The following CPM variants were observed in gnomAD, a reference collection of about 807,000 sequenced individuals.
CPM encodes the protein carboxypeptidase M, also known as renal carboxypeptidase.
In CPM, 35 loss-of-function variants were observed where a neutral mutation model predicts 46.4. That is an observed-to-expected ratio of 0.75 (90% CI 0.58 to 1.00). The LOEUF (loss-of-function observed/expected upper bound fraction) is 1.00. Ranked by LOEUF, CPM falls within the 50% of genes least tolerant of loss-of-function variation. CPM has a pLI of 0.00. For missense variants in CPM, 422 were observed against 530.4 expected (o/e 0.80, Z 2.01); for synonymous variants, 195 against 195.3 (o/e 1.00, Z 0.01).
chr12:68,927,650 C>T (rs1249450282), intron 2 of CPM, among the ~76,000 whole-genome samples: 10 of 152,068 alleles, frequency 6.6e-5, no homozygotes, highest in Non-Finnish European at 1.3e-4. Context: ...GTGCCTATGT[C>T]CTGAATGGTA....
At chr12:68,909,191 C>T (rs1300759056) in intron 2 of CPM, among the ~76,000 whole-genome samples, 1 of 152,134 alleles carries the variant, frequency 6.6e-6, no homozygotes, top group Non-Finnish European at 1.5e-5. Flanking sequence ...GACAGGAATG[C>T]ACCATCATGC....
chr12:68,955,903 C>T (rs1427475632), intron 1 of CPM, among the ~76,000 whole-genome samples: 1 of 152,012 alleles, frequency 6.6e-6, no homozygotes, highest in Admixed American at 6.5e-5. Flanking sequence ...GTTCTCATTC[C>T]AGTCTGCAGA....
intron 6 of CPM, among the ~76,000 whole-genome samples, chr12:68,868,351 A>C (rs2136228302): frequency 6.6e-6 from 1 of 152,278 alleles, no homozygotes. Context: ...CCCAGGCATA[A>C]AAATACCAGC....
At chr12:68,891,864 G>A (rs1377655088) in intron 2 of CPM, among the ~76,000 whole-genome samples, 1 of 152,114 alleles carries the variant, frequency 6.6e-6, no homozygotes, top group Non-Finnish European at 1.5e-5. Context: ...AGTCTCCAGA[G>A]TAGCTGGGAC....
intron 5 of CPM, chr12:68,842,394 C>A: frequency 2.0e-6 from 1 of 492,166 alleles, no homozygotes; most frequent in Non-Finnish European, 4.0e-6. Context: ...CTAAAAATCT[C>A]ATTATCTATA....
At chr12:68,946,834 C>A (rs945015813) in intron 1 of CPM, among the ~76,000 whole-genome samples, 1 of 152,120 alleles carries the variant, frequency 6.6e-6, no homozygotes, top group African/African-American at 2.4e-5. Context: ...GAAAGAAATG[C>A]GCTCCAAAAT....
chr12:68,908,544 T>C (rs1482681653), intron 2 of CPM, among the ~76,000 whole-genome samples: 1 of 152,120 alleles, frequency 6.6e-6, no homozygotes, highest in African/African-American at 2.4e-5. Flanking sequence ...AAGTCATACA[T>C]ACTTTTTAAA....
chr12:68,948,349 G>T (rs990192458), intron 1 of CPM, among the ~76,000 whole-genome samples: 2 of 152,170 alleles, frequency 1.3e-5, no homozygotes, highest in African/African-American at 4.8e-5. Flanking sequence ...GCCTGAGGGG[G>T]TAGGCATTAG....
intron 2 of CPM, among the ~76,000 whole-genome samples, chr12:68,924,913 T>A (rs774491448): frequency 4.6e-5 from 7 of 152,226 alleles, no homozygotes; most frequent in Non-Finnish European, 1.0e-4. Flanking sequence ...ACTTTCCTCT[T>A]AGGAGCAAGA....
intron 7 of CPM, among the ~76,000 whole-genome samples, chr12:68,864,996 CAG>C (rs1316847202): frequency 1.3e-5 from 2 of 152,126 alleles, no homozygotes; most frequent in African/African-American, 2.4e-5. Flanking sequence ...GCCTGGGTGA[CAG>C]AGTGAGACCC....
chr12:68,897,216 A>G (rs962402645), intron 2 of CPM, among the ~76,000 whole-genome samples: 1 of 151,624 alleles, frequency 6.6e-6, no homozygotes, highest in Non-Finnish European at 1.5e-5. Context: ...AGTTTTAAAA[A>G]CTGGACATAA....
chr12:68,887,352 G>C (rs1035156405), intron 2 of CPM, among the ~76,000 whole-genome samples: 4 of 152,230 alleles, frequency 2.6e-5, no homozygotes, highest in Non-Finnish European at 5.9e-5. Flanking sequence ...GGTTTCTGCA[G>C]AAGTTCAGAT....
intron 1 of CPM, 67 bp from the exon 2 acceptor site, chr12:68,932,907 C>G (rs1319340237): frequency 2.1e-6 from 3 of 1,441,670 alleles, no homozygotes; most frequent in Non-Finnish European, 2.9e-6. Flanking sequence ...TCACCAGCTA[C>G]GTCTCGGTAC....
At chr12:68,856,755 C>G (rs981796684) in intron 8 of CPM, 76 bp from the exon 9 acceptor site, 39 of 1,546,646 alleles carry the variant, frequency 2.5e-5, no homozygotes, top group Non-Finnish European at 3.2e-5. Flanking sequence ...CACTGATATC[C>G]ATCACTAAAA....
chr12:68,884,058 C>T (rs1293807535), intron 3 of CPM, among the ~76,000 whole-genome samples: 2 of 141,094 alleles, frequency 1.4e-5, no homozygotes, highest in East Asian at 4.1e-4. Flanking sequence ...TGCAGTGAGC[C>T]GAGATCATGC....
intron 2 of CPM, among the ~76,000 whole-genome samples, chr12:68,922,557 G>A (rs898775993): frequency 2.0e-5 from 3 of 151,920 alleles, no homozygotes; most frequent in African/African-American, 4.8e-5. Flanking sequence ...CTTCAACTCC[G>A]GGTAAGTGCG....
chr12:68,955,851 G>C (rs1022637499), intron 1 of CPM, among the ~76,000 whole-genome samples: 2 of 152,118 alleles, frequency 1.3e-5, no homozygotes, highest in African/African-American at 4.8e-5. Context: ...TGTATGGATT[G>C]GTCCATGGGT....
intron 1 of CPM, among the ~76,000 whole-genome samples, chr12:68,947,671 G>T (rs569273614): frequency 1.3e-5 from 2 of 151,844 alleles, no homozygotes; most frequent in East Asian, 3.9e-4. Flanking sequence ...TTGAGACAGG[G>T]TCTTGTTCTG....
At chr12:68,843,698 AC>A in intron 5 of CPM, 2 of 214,946 alleles carry the variant, frequency 9.3e-6, no homozygotes, top group Admixed American at 5.9e-5. Flanking sequence ...TTGCTTCAAA[AC>A]TCTCTCTCTC....
Sources: allele counts gnomAD v4.1 joint callset (sites outside exome capture counted in the v4.1 genomes callset), GRCh38; gene constraint gnomAD v4.1.1; transcripts MANE v1.5; gene names NCBI Gene and HGNC (gene_info 2026-07-23, HGNC 2026-07-21).